Variants in MYH9 observed in about 807,000 individuals in gnomAD.
MYH9 encodes the protein myosin heavy chain 9.
MYH9 carries 29 observed loss-of-function variants against 241.9 expected under a neutral mutation model. The ratio of observed to expected loss-of-function variants is 0.12; its 90% CI spans 0.09 to 0.16. MYH9 has a LOEUF of 0.16. Ranked by LOEUF, MYH9 falls within the 10% of genes least tolerant of loss-of-function variation. The pLI, the probability that MYH9 is intolerant of heterozygous loss-of-function variation, is 1.00. For synonymous variants in MYH9, 1,047 were observed against 1,062.6 expected, an observed-to-expected ratio of 0.99 and a Z score of 0.29; for missense variants, 1,803 against 2,595.5, an observed-to-expected ratio of 0.69 and a Z score of 6.63.
chr22:36,310,743 C>A (rs1682852430), intron 14 of MYH9, among the ~76,000 whole-genome samples: 1 of 151,788 alleles, frequency 6.6e-6, no homozygotes, highest in Non-Finnish European at 1.5e-5. Context: ...TTGATGCCAT[C>A]GTGCAGGCCC....
At chr22:36,348,834 A>AGGGGGGGGGGGGGGGG in intron 2 of MYH9, 70 bp downstream of exon 2, 2 of 888,386 alleles carry the variant, frequency 2.3e-6, no homozygotes, top group East Asian at 5.0e-5. Context: ...GGGTGATGGG[A>AGGGGGGGGGGGGGGGG]AGACCCGCCC....
intron 1 of MYH9, among the ~76,000 whole-genome samples, chr22:36,362,972 C>A (rs118064968): frequency 0.012 from 1,784 of 152,224 alleles, 21 homozygotes; most frequent in Non-Finnish European, 0.02. Context: ...AGCCACACCT[C>A]TCTTATCCCC....
At chr22:36,313,763 C>A (rs537117994) in intron 13 of MYH9, among the ~76,000 whole-genome samples, 1 of 152,136 alleles carries the variant, frequency 6.6e-6, no homozygotes, top group Non-Finnish European at 1.5e-5. Context: ...AAGCAGCCCG[C>A]GATAGGGCCT....
At chr22:36,286,514 T>TCA (rs150654867) in intron 35 of MYH9, among the ~76,000 whole-genome samples, 217 of 151,994 alleles carry the variant, frequency 1.4e-3, no homozygotes, top group African/African-American at 4.5e-3. Flanking sequence ...GATGCCAGTT[T>TCA]CACACACACA....
At chr22:36,372,250 G>C (rs1460912658) in intron 1 of MYH9, among the ~76,000 whole-genome samples, 1 of 152,044 alleles carries the variant, frequency 6.6e-6, no homozygotes, top group African/African-American at 2.4e-5. Context: ...CACTTTTGAA[G>C]GTCAAGGCAG....
intron 1 of MYH9, among the ~76,000 whole-genome samples, chr22:36,371,605 G>A (rs1483968266): frequency 6.6e-6 from 1 of 152,058 alleles, no homozygotes; most frequent in South Asian, 2.1e-4. Context: ...GCGCCATCTC[G>A]GCTCACTGCA....
intron 3 of MYH9, among the ~76,000 whole-genome samples, chr22:36,333,072 C>T (rs1219042266): frequency 3.9e-5 from 6 of 152,156 alleles, no homozygotes; most frequent in African/African-American, 1.4e-4. Context: ...GCTGGATCAA[C>T]AGGGAATAAG....
rs765956551 is a variant in MYH9 at position 36,348,913 on chromosome 22, C to A, written c.324G>T (p.Gly108=). Residue 108 remains glycine, a synonymous_variant, in exon 2 of 41, where the codon GGG becomes GGT. Coordinates refer to ENST00000216181, the MANE Select transcript of MYH9 (RefSeq NM_002473.6). ...CACGGCAGCCACTTACGTAGATGAG[C>A]CCTGAGTAGTAACGCTCCTTGAGGT... ...LHNLKERYYS[G]LIYTYSGLFC... The A allele has an allele frequency of 1.2e-6, 2 of 1,600,474 alleles. No individual in the cohort carries two copies. Among genetic ancestry groups the A allele is most frequent in the Non-Finnish European group, 1.7e-6 (2 of 1,173,176 alleles).
Position 36,306,723 on chromosome 22 carries a change from A to T in MYH9, c.1844-116T>A, listed in dbSNP as rs1455569808. The T allele has an allele frequency of 8.0e-5, 85 of 1,060,506 alleles. No individual in the cohort carries two copies. In the Admixed American group the frequency reaches 1.7e-3, roughly 21 times the overall value. 65.7% of individuals were successfully genotyped at this position (1,060,506 alleles called of 1,614,324 possible). The stretch of plus-strand genomic sequence containing the variant: ...GACAGGAAAAGAGGAGACAGAATGA[A>T]ACAACAGGACCCTTTCCAATTGGAG... On this transcript the variant is annotated intron_variant, in intron 15 of 40. Transcript: ENST00000216181. The surrounding 1 kb of genome is among the most constrained non-coding windows in gnomAD (Gnocchi z 4.1).
intron 27 of MYH9, 83 bp from the exon 28 acceptor site, chr22:36,294,381 A>G (rs1264568303): frequency 2.7e-6 from 4 of 1,455,148 alleles, no homozygotes; most frequent in Non-Finnish European, 3.8e-6. Context: ...CCCTAGATCC[A>G]GACATCGCTG....
intron 10 of MYH9, among the ~76,000 whole-genome samples, chr22:36,318,797 CTT>C (rs1022083335): frequency 1.3e-5 from 2 of 151,812 alleles, no homozygotes; most frequent in African/African-American, 4.8e-5. Context: ...GCGTCTTGCT[CTT>C]GTTGCCCAGG....
chr22:36,373,209 C>G (rs1315893340), intron 1 of MYH9, among the ~76,000 whole-genome samples: 2 of 152,194 alleles, frequency 1.3e-5, no homozygotes, highest in Non-Finnish European at 2.9e-5. Context: ...AATGGCCTTC[C>G]GACTTTGGAA....
At chr22:36,352,655 C>T (rs1204800798) in intron 1 of MYH9, among the ~76,000 whole-genome samples, 1 of 152,222 alleles carries the variant, frequency 6.6e-6, no homozygotes, top group Non-Finnish European at 1.5e-5. Flanking sequence ...GGGCAGGGGA[C>T]AGTCACAGGC....
chr22:36,368,259 T>TTTAGC (rs1294350414), intron 1 of MYH9, among the ~76,000 whole-genome samples: 2 of 152,208 alleles, frequency 1.3e-5, no homozygotes, highest in East Asian at 3.8e-4. Context: ...GGAATCTCAC[T>TTTAGC]TTAGCACACA....
At chr22:36,355,392 T>C (rs1018931252) in intron 1 of MYH9, among the ~76,000 whole-genome samples, 2 of 152,198 alleles carry the variant, frequency 1.3e-5, no homozygotes, top group African/African-American at 4.8e-5. Context: ...TCCCAGAGAA[T>C]ACTCTCCCTC....
At chr22:36,321,583 G>C (rs2017252022) in intron 7 of MYH9, among the ~76,000 whole-genome samples, 175 bp downstream of exon 7, 1 of 152,156 alleles carries the variant, frequency 6.6e-6, no homozygotes, top group Non-Finnish European at 1.5e-5. Context: ...AAAGCCCTAA[G>C]CTCTGTGTTG....
intron 18 of MYH9, among the ~76,000 whole-genome samples, chr22:36,304,660 A>C (rs2016940893): frequency 6.6e-6 from 1 of 152,212 alleles, no homozygotes. Context: ...AGCCCAGGTC[A>C]CGGAGCACCA....
intron 2 of MYH9, among the ~76,000 whole-genome samples, chr22:36,348,271 G>A (rs892156383): frequency 4.0e-5 from 6 of 151,224 alleles, no homozygotes; most frequent in East Asian, 1.9e-4. Flanking sequence ...CACTTTGGGA[G>A]GCCGAGGCGG....
intron 19 of MYH9, among the ~76,000 whole-genome samples, chr22:36,303,318 G>A (rs1248321554): frequency 6.6e-6 from 1 of 151,956 alleles, no homozygotes; most frequent in Non-Finnish European, 1.5e-5. Flanking sequence ...GTCTGGACTC[G>A]AGGATGGCCT....
Sources: gnomAD v4.1 joint callset for allele counts (sites outside exome capture counted in the v4.1 genomes callset) on GRCh38, gnomAD v4.1.1 for gene constraint, Gnocchi (gnomAD v3.1) non-coding constraint, MANE v1.5 for transcripts, NCBI Gene and HGNC (gene_info 2026-07-23, HGNC 2026-07-21) for gene names.